NAB1: variants seen among roughly 807,000 people sequenced by gnomAD.
The protein encoded by NAB1 is NGFI-A binding protein 1.
In NAB1, 25 loss-of-function variants were observed where a neutral mutation model predicts 49.9. The observed-to-expected ratio is 0.50, with a 90% CI of 0.37 to 0.70. The LOEUF is 0.70. Ranked by LOEUF, NAB1 falls within the 30% of genes least tolerant of loss-of-function variation. The probability of loss-of-function intolerance (pLI) is 0.00; values close to 1 mark genes in which losing one functional copy is unlikely to be tolerated. For synonymous variants in NAB1, 198 were observed against 215.6 expected, an observed-to-expected ratio of 0.92 and a Z score of 0.71; for missense variants, 489 against 575.9, an observed-to-expected ratio of 0.85 and a Z score of 1.54.
rs1387104610 is a variant in NAB1, at chr2:190,675,802, G to T, written c.1005+2650G>T. On this transcript the variant is annotated intron_variant, in intron 6 of 9. Transcript: ENST00000337386. The surrounding 1 kb of genome is among the most constrained non-coding windows in gnomAD (Gnocchi z 5.2). ...GTTGGTTTGTTTTTAATTTTGTTCTGTTCCTCTTTCTTAAAAAGCACTTGT... is the reference window on the plus strand; with the variant it reads ...GTTGGTTTGTTTTTAATTTTGTTCTTTTCCTCTTTCTTAAAAAGCACTTGT... 6.6e-6 allele frequency among the ~76,000 whole-genome samples: 1 copy of T among 152,082 alleles called. No individual in the cohort carries two copies. The highest frequency in any genetic ancestry group is 1.5e-5 in the Non-Finnish European group (1 of 67,998).
At position 190,656,383 on chromosome 2, in the gene NAB1, G is replaced by A. The variant is rs376929352; in HGVS notation, c.-20+230G>A. On this transcript the variant is annotated intron_variant, in intron 3 of 9. Coordinates refer to ENST00000337386, the MANE Select transcript of NAB1 (RefSeq NM_005966.4). The stretch of plus-strand genomic sequence containing the variant: ...CATCAAGTTCATGTATGAAGGGGTG[G>A]GTGTTTAAATTATCACAGCCGGCTT... Among the ~76,000 whole-genome samples the A allele has an allele frequency of 5.9e-5, 9 of 152,102 alleles. No homozygotes were observed. The East Asian group carries it at 1.7e-3, about 29-fold the overall frequency.
At position 190,659,633 on chromosome 2, in the gene NAB1, C is replaced by A; in HGVS notation, c.457C>A (p.Gln153Lys). ...KSDVVGSLAL[Q>K]SVGESRLWQG... ...AGATGTGGTTGGGAGCCTAGCACTG[C>A]AGAGTGTTGGTGAGTCCAGACTCTG... The change falls in exon 4 of 10, where the codon CAG becomes AAG. Residue 153 changes from glutamine to lysine, a missense_variant. Physicochemically the swap from Gln to Lys is moderately conservative, Grantham distance 53. Coordinates refer to ENST00000337386, the MANE Select transcript of NAB1 (RefSeq NM_005966.4). This position sits in a 1 kb window ranked among gnomAD's most constrained non-coding sequence, Gnocchi z 6.2. 1 of 1,614,122 alleles carries A rather than the reference C, an allele frequency of 6.2e-7. No individual in the cohort carries two copies. The highest frequency in any genetic ancestry group is 8.5e-7 in the Non-Finnish European group (1 of 1,180,042).
At chr2:190,660,737 T>C (rs907419293) in intron 4 of NAB1, among the ~76,000 whole-genome samples, 2 of 152,184 alleles carry the variant, frequency 1.3e-5, no homozygotes, top group Non-Finnish European at 2.9e-5. Flanking sequence ...TTTCCATTTT[T>C]ATCCCTACAT....
At chr2:190,665,774 T>G (rs1694484656) in intron 4 of NAB1, among the ~76,000 whole-genome samples, 1 of 152,212 alleles carries the variant, frequency 6.6e-6, no homozygotes, top group South Asian at 2.1e-4. Context: ...GAGTATCTTC[T>G]GTTCTCTCCC....
chr2:190,683,345 C>T (rs1389878760), intron 6 of NAB1, among the ~76,000 whole-genome samples: 1 of 120,130 alleles, frequency 8.3e-6, no homozygotes, highest in African/African-American at 3.3e-5. Context: ...GGGGCTTTAC[C>T]ATATTGGACA....
In NAB1 at chr2:190,669,068, C is replaced by T. The variant is rs1694670301; in HGVS notation, c.820-1258C>T. ...TGAGCACTGAGATATCAGAAGAGTC[C>T]ATCTGTTGACTGAGATGGCCACCAA... On this transcript the variant is annotated intron_variant, in intron 4 of 9. Coordinates refer to ENST00000337386, the MANE Select transcript of NAB1 (RefSeq NM_005966.4). The surrounding 1 kb of genome is among the most constrained non-coding windows in gnomAD (Gnocchi z 4.3). Among the ~76,000 whole-genome samples, 1 of 152,092 alleles carries T rather than the reference C, an allele frequency of 6.6e-6. No individual in the cohort carries two copies. The highest frequency in any genetic ancestry group is 2.4e-5 in the African/African-American group (1 of 41,402).
rs1326384119 is a variant in NAB1 at position 190,680,803 on chromosome 2, C to G, written c.1006-2935C>G. Among the ~76,000 whole-genome samples the G allele has an allele frequency of 6.6e-6, 1 of 152,144 alleles. No individual in the cohort carries two copies. Among genetic ancestry groups the G allele is most frequent in the Admixed American group, 6.5e-5 (1 of 15,272 alleles). ...TTTTTCCCCAGTATGATGCTTTACT[C>G]TGATTAAATCTGGTGGCTTTTTGGA... On this transcript the variant is annotated intron_variant, in intron 6 of 9. Transcript: ENST00000337386. This position sits in a 1 kb window ranked among gnomAD's most constrained non-coding sequence, Gnocchi z 5.2.
Position 190,651,858 on chromosome 2 carries a change from G to A in NAB1, c.-197+1876G>A, listed in dbSNP as rs760869093. Among the ~76,000 whole-genome samples the A allele has an allele frequency of 6.6e-6, 1 of 152,126 alleles. No homozygotes were observed. Among genetic ancestry groups the A allele is most frequent in the African/African-American group, 2.4e-5 (1 of 41,428 alleles). ...GATCATGCTAATGTATAATCAACCC[G>A]TCTATGCATATTTCATTGTGGAATT... is the stretch of plus-strand genomic sequence containing the variant. On this transcript the variant is annotated intron_variant, in intron 2 of 9. Coordinates refer to ENST00000337386, the MANE Select transcript of NAB1 (RefSeq NM_005966.4). This position sits in a 1 kb window ranked among gnomAD's most constrained non-coding sequence, Gnocchi z 4.3.
At chr2:190,688,318 T>C (rs1207961637) in intron 9 of NAB1, among the ~76,000 whole-genome samples, 1 of 152,232 alleles carries the variant, frequency 6.6e-6, no homozygotes, top group Admixed American at 6.5e-5. Context: ...AAAAAAAGTG[T>C]TATCAAGAGC....
chr2:190,670,453 C>T lies in NAB1; in HGVS notation c.947C>T (p.Thr316Ile), dbSNP rs1694745487. 1 of 1,613,138 alleles carries T rather than the reference C, an allele frequency of 6.2e-7. No individual in the cohort carries two copies. Among genetic ancestry groups the T allele is most frequent in the Non-Finnish European group, 8.5e-7 (1 of 1,179,644 alleles). ...GTCACCTATAAATATACTTACAGAA[C>T]CACCAAGTAAGTATTTAACTAATCG... Reference protein sequence around the residue: ...REVTYKYTYRTTKSKCGERDE... With the variant: ...REVTYKYTYRITKSKCGERDE... The change falls in exon 5 of 10, where the codon ACC becomes ATC. Residue 316 changes from threonine to isoleucine, a missense_variant. Around this residue, in one of 4 missense-constraint regions of NAB1, gnomAD observed 212 missense variants for 199.3 expected, o/e 1.06. Transcript: ENST00000337386. This position sits in a 1 kb window ranked among gnomAD's most constrained non-coding sequence, Gnocchi z 5.3.
chr2:190,688,866 G>A (rs1187487155), intron 9 of NAB1, among the ~76,000 whole-genome samples: 1 of 142,260 alleles, frequency 7.0e-6, no homozygotes, highest in Middle Eastern at 3.3e-3. Flanking sequence ...TTGAGATGGA[G>A]TCTCGCTTTC....
intron 4 of NAB1, among the ~76,000 whole-genome samples, chr2:190,668,124 AT>A (rs1466071117): frequency 6.6e-6 from 1 of 152,222 alleles, no homozygotes; most frequent in Non-Finnish European, 1.5e-5. Context: ...ATTGTAGGAA[AT>A]GGACTCATCA....
At position 190,675,427 on chromosome 2, in the gene NAB1, T is replaced by G. The variant is rs776967817; in HGVS notation, c.1005+2275T>G. Among the ~76,000 whole-genome samples the G allele has an allele frequency of 5.9e-5, 9 of 152,218 alleles. No homozygotes were observed. Among genetic ancestry groups the G allele is most frequent in the Non-Finnish European group, 1.3e-4 (9 of 68,036 alleles). On this transcript the variant is annotated intron_variant, in intron 6 of 9. Coordinates refer to ENST00000337386, the MANE Select transcript of NAB1 (RefSeq NM_005966.4). This position sits in a 1 kb window ranked among gnomAD's most constrained non-coding sequence, Gnocchi z 5.2. ...GAGGCCTTGTATTTCATTACAGTGC[T>G]TTCAGTTTCTTATTAGAAGCACAAA...
intron 8 of NAB1, 73 bp from the exon 9 acceptor site, chr2:190,687,128 G>A (rs555204331): frequency 2.1e-6 from 2 of 949,646 alleles, no homozygotes; most frequent in African/African-American, 3.5e-5. Flanking sequence ...GGAGTGTTCA[G>A]GCAAAATTTA....
At chr2:190,681,441 T>C (rs1451048875) in intron 6 of NAB1, among the ~76,000 whole-genome samples, 2 of 151,928 alleles carry the variant, frequency 1.3e-5, no homozygotes, top group African/African-American at 4.8e-5. Flanking sequence ...AACTTATTTA[T>C]AAGAAAACTG....
Position 190,652,887 on chromosome 2 carries a change from T to A in NAB1, c.-197+2905T>A, listed in dbSNP as rs1212849618. 6.6e-6 allele frequency among the ~76,000 whole-genome samples: 1 copy of A among 152,174 alleles called. No individual in the cohort carries two copies. The highest frequency in any genetic ancestry group is 2.4e-5 in the African/African-American group (1 of 41,450). ...TCTAGGATGAGAATAAAAGCGAAAA[T>A]AATTAATTGCATAGAGCAAGCTTGT... On this transcript the variant is annotated intron_variant, in intron 2 of 9. Transcript: ENST00000337386. This position sits in a 1 kb window ranked among gnomAD's most constrained non-coding sequence, Gnocchi z 4.2.
At chr2:190,673,659 A>G (rs550806992) in intron 6 of NAB1, among the ~76,000 whole-genome samples, 1 of 152,356 alleles carries the variant, frequency 6.6e-6, no homozygotes, top group Non-Finnish European at 1.5e-5. Flanking sequence ...CAGAGGAGCT[A>G]ACTTTTCGTT....
chr2:190,655,323 C>T (rs1178196552), intron 2 of NAB1, among the ~76,000 whole-genome samples: 1 of 152,138 alleles, frequency 6.6e-6, no homozygotes, highest in Non-Finnish European at 1.5e-5. Context: ...GACTCCATGG[C>T]TCTTGTCCAA....
Position 190,676,787 on chromosome 2 carries a change from A to G in NAB1, c.1005+3635A>G, listed in dbSNP as rs1266393002. Among the ~76,000 whole-genome samples, 1 of 152,226 alleles carries G rather than the reference A, an allele frequency of 6.6e-6. No homozygotes were observed. Among genetic ancestry groups the G allele is most frequent in the Non-Finnish European group, 1.5e-5 (1 of 68,038 alleles). On this transcript the variant is annotated intron_variant, in intron 6 of 9. Coordinates refer to ENST00000337386, the MANE Select transcript of NAB1 (RefSeq NM_005966.4). This position sits in a 1 kb window ranked among gnomAD's most constrained non-coding sequence, Gnocchi z 4.6. ...TTACAAGGCCCAAACTAATGAGACA[A>G]GTTTTTCTCTTTTTTCAAATCTTTA...
Sources: allele counts gnomAD v4.1 joint callset (sites outside exome capture counted in the v4.1 genomes callset), GRCh38; gene constraint gnomAD v4.1.1; regional missense constraint gnomAD v4.1.1; non-coding constraint Gnocchi (gnomAD v3.1); transcripts MANE v1.5; gene names NCBI Gene and HGNC (gene_info 2026-07-23, HGNC 2026-07-21).